DPP10: variants seen among roughly 807,000 people sequenced by gnomAD.
The protein encoded by DPP10 is dipeptidyl peptidase like 10.
A neutral mutation model predicts 120.9 loss-of-function variants in DPP10; 33 were observed. The ratio of observed to expected loss-of-function variants is 0.27; its 90% CI spans 0.21 to 0.37. DPP10 has a LOEUF of 0.37. Among genes scored for constraint, DPP10 ranks in the 10% least tolerant of loss-of-function variants. DPP10 has a pLI of 1.00. For synonymous variants in DPP10, 337 were observed against 326.1 expected, an observed-to-expected ratio of 1.03 and a Z score of -0.36; for missense variants, 816 against 942.8, an observed-to-expected ratio of 0.87 and a Z score of 1.76.
At chr2:115,592,398 G>A (rs1005525890) in intron 5 of DPP10, among the ~76,000 whole-genome samples, 3 of 151,982 alleles carry the variant, frequency 2.0e-5, no homozygotes, top group African/African-American at 4.8e-5. Flanking sequence ...AAAGGTGTCA[G>A]CCTCTCAATC....
At chr2:115,412,290 T>C (rs1487019358) in intron 3 of DPP10, among the ~76,000 whole-genome samples, 1 of 152,190 alleles carries the variant, frequency 6.6e-6, no homozygotes, top group Non-Finnish European at 1.5e-5. Flanking sequence ...AATGACTACC[T>C]ATACATATTT....
intron 1 of DPP10, among the ~76,000 whole-genome samples, chr2:115,210,144 A>T (rs966442671): frequency 2.2e-4 from 34 of 152,196 alleles, no homozygotes; most frequent in African/African-American, 7.9e-4. Flanking sequence ...TACATTAGGT[A>T]TATCTCCTAA....
intron 1 of DPP10, among the ~76,000 whole-genome samples, chr2:115,164,053 T>C (rs754653516): frequency 3.1e-4 from 47 of 152,192 alleles, no homozygotes; most frequent in Admixed American, 7.9e-4. Context: ...ACTCTTGTTT[T>C]AATAGAGTAT....
rs1243820159 is a variant in DPP10, at chr2:114,442,728, G to T, written c.-51G>T. ...TCCAATAGAGGAGACTTGATCTCTA[G>T]TTCATTCTGGAACTCCGCCTGGGAT... On this transcript the variant is annotated 5_prime_UTR_variant, in exon 1 of 26. Coordinates refer to ENST00000410059, the MANE Select transcript of DPP10 (RefSeq NM_020868.6). 6.2e-7 allele frequency: 1 copy of T among 1,609,368 alleles called. No homozygotes were observed. The highest frequency in any genetic ancestry group is 1.7e-5 in the Admixed American group (1 of 59,634).
chr2:114,879,652 G>T (rs374791857), intron 1 of DPP10, among the ~76,000 whole-genome samples: 3 of 151,988 alleles, frequency 2.0e-5, no homozygotes, highest in Admixed American at 6.6e-5. Context: ...TCGTGGTGGG[G>T]GTCTTGGTGT....
At chr2:115,388,512 A>G (rs907681092) in intron 3 of DPP10, among the ~76,000 whole-genome samples, 6 of 152,208 alleles carry the variant, frequency 3.9e-5, no homozygotes, top group Admixed American at 3.9e-4. Flanking sequence ...CAGTGGAGAT[A>G]GAAGAGGGAT....
At chr2:115,713,987 C>T (rs181629460) in intron 7 of DPP10, among the ~76,000 whole-genome samples, 2 of 152,214 alleles carry the variant, frequency 1.3e-5, no homozygotes, top group East Asian at 3.9e-4. Context: ...GTTATGATGC[C>T]GAGTCATCAC....
intron 1 of DPP10, among the ~76,000 whole-genome samples, chr2:114,933,578 A>G (rs1696240009): frequency 1.3e-5 from 2 of 152,244 alleles, no homozygotes; most frequent in East Asian, 3.8e-4. Context: ...TGATACAACC[A>G]ACTATTGCAG....
intron 1 of DPP10, among the ~76,000 whole-genome samples, chr2:114,834,371 A>G (rs1024436988): frequency 1.5e-5 from 2 of 132,092 alleles, no homozygotes; most frequent in Non-Finnish European, 3.4e-5. Context: ...TATGTATATA[A>G]AAGACATATC....
intron 1 of DPP10, among the ~76,000 whole-genome samples, chr2:115,062,228 T>A (rs1375725498): frequency 6.6e-6 from 1 of 151,886 alleles, no homozygotes; most frequent in Non-Finnish European, 1.5e-5. Flanking sequence ...CTATTCCTCT[T>A]TGAGTCTAAT....
At chr2:114,923,012 T>G (rs1695314162) in intron 1 of DPP10, among the ~76,000 whole-genome samples, 1 of 152,196 alleles carries the variant, frequency 6.6e-6, no homozygotes, top group Admixed American at 6.5e-5. Flanking sequence ...TTTATGGACT[T>G]AATGACCATT....
At chr2:114,789,860 G>A (rs146013390) in intron 1 of DPP10, among the ~76,000 whole-genome samples, 9 of 152,268 alleles carry the variant, frequency 5.9e-5, no homozygotes, top group East Asian at 3.9e-4. Flanking sequence ...CCAGTGAGTC[G>A]GATTAGTTTG....
At chr2:115,321,136 C>T (rs545539546) in intron 2 of DPP10, among the ~76,000 whole-genome samples, 2 of 152,150 alleles carry the variant, frequency 1.3e-5, no homozygotes, top group South Asian at 2.1e-4. Context: ...CCTGTCTCTG[C>T]TAAAAATACA....
intron 1 of DPP10, among the ~76,000 whole-genome samples, chr2:114,547,454 C>CT (rs942427596): frequency 3.2e-3 from 475 of 147,804 alleles, no homozygotes; most frequent in East Asian, 9.7e-3. Context: ...AAAGAAATAG[C>CT]TTTTTTTTTT....
At chr2:115,141,719 T>C (rs995824226) in intron 1 of DPP10, among the ~76,000 whole-genome samples, 9 of 152,204 alleles carry the variant, frequency 5.9e-5, no homozygotes, top group Admixed American at 1.3e-4. Context: ...ATTCTATTCA[T>C]TCACTCACCT....
At position 114,895,575 on chromosome 2, in the gene DPP10, G is replaced by A. The variant is rs566154560; in HGVS notation, c.61-413664G>A. ...TTCACTGGCATTGGGAGATCTCAGA[G>A]ACAGAGAGAGCCTGTGTGCTCTAAT... On this transcript the variant is annotated intron_variant, in intron 1 of 25. Transcript: ENST00000410059. Among the ~76,000 whole-genome samples the A allele has an allele frequency of 2.0e-5, 3 of 152,286 alleles. No individual in the cohort carries two copies. The East Asian group carries it at 5.8e-4, about 29-fold the overall frequency.
At chr2:115,300,906 T>G (rs1262827003) in intron 1 of DPP10, among the ~76,000 whole-genome samples, 1 of 152,048 alleles carries the variant, frequency 6.6e-6, no homozygotes, top group Non-Finnish European at 1.5e-5. Flanking sequence ...ATATGCCTTG[T>G]GATCTTTTGT....
At chr2:115,279,872 G>A (rs528539041) in intron 1 of DPP10, among the ~76,000 whole-genome samples, 1 of 151,590 alleles carries the variant, frequency 6.6e-6, no homozygotes, top group Non-Finnish European at 1.5e-5. Flanking sequence ...ATGTTGACCA[G>A]GCTGGTCTTG....
intron 1 of DPP10, among the ~76,000 whole-genome samples, chr2:114,662,440 G>A (rs971176949): frequency 1.2e-4 from 18 of 152,206 alleles, no homozygotes; most frequent in Non-Finnish European, 4.4e-5. Flanking sequence ...CCGCGGAGCG[G>A]GACGCCTGCT....
Sources: allele counts gnomAD v4.1 joint callset (sites outside exome capture counted in the v4.1 genomes callset), GRCh38; gene constraint gnomAD v4.1.1; transcripts MANE v1.5; gene names NCBI Gene and HGNC (gene_info 2026-07-23, HGNC 2026-07-21).